The following KAZN variants were observed in gnomAD, a reference collection of about 807,000 sequenced individuals.
The protein encoded by KAZN is kazrin, periplakin interacting protein.
In KAZN, 40 loss-of-function variants were observed where a neutral mutation model predicts 87.4. The observed-to-expected ratio is 0.46, with a 90% CI of 0.36 to 0.60. KAZN has a LOEUF of 0.60. Ranked by LOEUF, KAZN falls within the 20% of genes least tolerant of loss-of-function variation. The probability of loss-of-function intolerance (pLI) is 0.00; values close to 1 mark genes in which losing one functional copy is unlikely to be tolerated. For synonymous variants in KAZN, 466 were observed against 458.3 expected, an observed-to-expected ratio of 1.02 and a Z score of -0.22; for missense variants, 898 against 1,073.9, an observed-to-expected ratio of 0.84 and a Z score of 2.29.
intron 13 of KAZN, among the ~76,000 whole-genome samples, chr1:15,106,242 C>T (rs1440024388): frequency 6.6e-6 from 1 of 152,176 alleles, no homozygotes; most frequent in African/African-American, 2.4e-5. Flanking sequence ...GATTATGCCA[C>T]TGTACTCCAG....
chr1:14,153,512 C>T (rs1214702021), intron 1 of KAZN, among the ~76,000 whole-genome samples: 2 of 152,062 alleles, frequency 1.3e-5, no homozygotes, highest in African/African-American at 4.8e-5. Flanking sequence ...CAGTGGCTCA[C>T]GCCTGTAATC....
intron 8 of KAZN, 38 bp downstream of exon 8, chr1:15,065,791 C>T: frequency 1.9e-6 from 3 of 1,610,902 alleles, no homozygotes; most frequent in Non-Finnish European, 2.5e-6. Flanking sequence ...AGGACGCGGA[C>T]TGGTGATACG....
chr1:14,473,006 G>A (rs888332895), intron 2 of KAZN, among the ~76,000 whole-genome samples: 1 of 152,006 alleles, frequency 6.6e-6, no homozygotes, highest in Admixed American at 6.6e-5. Flanking sequence ...GTTTCCTAAT[G>A]TCTTTTTTCT....
chr1:14,817,556 G>A (rs1418366615), intron 1 of KAZN, among the ~76,000 whole-genome samples: 1 of 152,178 alleles, frequency 6.6e-6, no homozygotes, highest in East Asian at 1.9e-4. Context: ...TAAAACAATA[G>A]TTGGCACATA....
intron 2 of KAZN, among the ~76,000 whole-genome samples, chr1:14,388,511 T>C (rs1243256470): frequency 6.6e-6 from 1 of 152,058 alleles, no homozygotes; most frequent in Non-Finnish European, 1.5e-5. Context: ...AATAGACACA[T>C]AGATCAGTGG....
At chr1:13,979,784 A>C (rs1463718322) in intron 1 of KAZN, among the ~76,000 whole-genome samples, 1 of 152,064 alleles carries the variant, frequency 6.6e-6, no homozygotes, top group Non-Finnish European at 1.5e-5. Flanking sequence ...CAAAAAAATT[A>C]ACCAGGCGTA....
intron 1 of KAZN, among the ~76,000 whole-genome samples, chr1:14,098,441 C>T (rs559298764): frequency 1.5e-4 from 23 of 152,262 alleles, no homozygotes; most frequent in African/African-American, 5.1e-4. Flanking sequence ...CTCCTTTATG[C>T]TGGAGCTCTG....
chr1:13,981,522 G>A (rs796528487), intron 1 of KAZN, among the ~76,000 whole-genome samples: 10 of 152,084 alleles, frequency 6.6e-5, no homozygotes, highest in African/African-American at 2.2e-4. Context: ...AGATTCTGCC[G>A]CCATATTTAA....
At chr1:14,419,215 T>C (rs770641920) in intron 2 of KAZN, among the ~76,000 whole-genome samples, 2 of 152,228 alleles carry the variant, frequency 1.3e-5, no homozygotes, top group Non-Finnish European at 2.9e-5. Context: ...GTGAGGACAC[T>C]GTTCCTGCTG....
intron 2 of KAZN, among the ~76,000 whole-genome samples, chr1:14,253,458 C>T (rs1295798122): frequency 1.3e-5 from 2 of 152,132 alleles, no homozygotes; most frequent in Non-Finnish European, 2.9e-5. Flanking sequence ...TTAATGGCTA[C>T]TAATGGGTTA....
chr1:14,832,343 G>A (rs1647074176), intron 1 of KAZN, among the ~76,000 whole-genome samples: 1 of 152,182 alleles, frequency 6.6e-6, no homozygotes, highest in African/African-American at 2.4e-5. Flanking sequence ...CTTAAGCAGG[G>A]CCTCTCCCAT....
intron 1 of KAZN, among the ~76,000 whole-genome samples, chr1:14,629,030 G>T (rs1679359825): frequency 6.6e-6 from 1 of 151,830 alleles, no homozygotes; most frequent in Non-Finnish European, 1.5e-5. Context: ...TGTTTTTACT[G>T]GAGACGGGGT....
chr1:15,037,705 T>G (rs1672482898), intron 3 of KAZN, among the ~76,000 whole-genome samples: 1 of 152,122 alleles, frequency 6.6e-6, no homozygotes, highest in African/African-American at 2.4e-5. Flanking sequence ...CACTCCCTGT[T>G]GTTGGTCTCA....
intron 1 of KAZN, among the ~76,000 whole-genome samples, chr1:13,964,585 T>C (rs1042888459): frequency 6.6e-6 from 1 of 152,120 alleles, no homozygotes; most frequent in Non-Finnish European, 1.5e-5. Context: ...AAACGTAGTC[T>C]CTCATGCTCC....
chr1:14,410,775 G>A (rs972196918), intron 2 of KAZN, among the ~76,000 whole-genome samples: 1 of 152,166 alleles, frequency 6.6e-6, no homozygotes, highest in Non-Finnish European at 1.5e-5. Flanking sequence ...CCTTGGAGAT[G>A]AGAGTGGTGT....
intron 1 of KAZN, among the ~76,000 whole-genome samples, chr1:14,801,814 G>C (rs369601306): frequency 2.6e-5 from 4 of 151,678 alleles, no homozygotes; most frequent in Admixed American, 2.6e-4. Flanking sequence ...TTCCTGAGTA[G>C]CTGGGACTAC....
intron 1 of KAZN, among the ~76,000 whole-genome samples, chr1:14,042,816 G>A (rs1019218653): frequency 6.6e-6 from 1 of 152,108 alleles, no homozygotes; most frequent in Non-Finnish European, 1.5e-5. Context: ...ACTTTTGCAT[G>A]TTACTGAATA....
intron 1 of KAZN, among the ~76,000 whole-genome samples, chr1:14,829,379 T>C (rs1646990175): frequency 6.6e-6 from 1 of 152,190 alleles, no homozygotes; most frequent in Non-Finnish European, 1.5e-5. Flanking sequence ...CACAGGAACT[T>C]TCTCGGGAAA....
intron 2 of KAZN, among the ~76,000 whole-genome samples, chr1:14,190,846 C>T (rs1197138703): frequency 1.3e-5 from 2 of 152,128 alleles, no homozygotes; most frequent in African/African-American, 4.8e-5. Context: ...ACAGCATAAC[C>T]ACTAATCTGC....
Sources: allele counts gnomAD v4.1 joint callset (sites outside exome capture counted in the v4.1 genomes callset), GRCh38; gene constraint gnomAD v4.1.1; transcripts MANE v1.5; gene names NCBI Gene and HGNC (gene_info 2026-07-23, HGNC 2026-07-21).